Variants in NHSL1 observed in about 807,000 individuals in gnomAD.
NHSL1 encodes NHS-like protein 1.
In NHSL1, 48 loss-of-function variants were observed where a neutral mutation model predicts 95.0. That is an observed-to-expected ratio of 0.51 (90% confidence interval 0.40 to 0.64). The LOEUF is 0.64. NHSL1 is among the 30% of genes least tolerant of loss of function. The pLI, the probability that NHSL1 is intolerant of heterozygous loss-of-function variation, is 0.00. For missense variants in NHSL1, 1,971 were observed against 2,077.7 expected, an observed-to-expected ratio of 0.95 and a Z score of 1.00; for synonymous variants, 783 against 833.9, an observed-to-expected ratio of 0.94 and a Z score of 1.05.
At chr6:138,611,339 T>C (rs775377692) in intron 1 of NHSL1, among the ~76,000 whole-genome samples, 17 of 151,534 alleles carry the variant, frequency 1.1e-4, no homozygotes, top group South Asian at 2.1e-4. Context: ...TTCAGTGGTA[T>C]AGGAATGATT....
intron 2 of NHSL1, among the ~76,000 whole-genome samples, chr6:138,485,897 C>A (rs1216900156): frequency 4.6e-5 from 7 of 152,076 alleles, no homozygotes; most frequent in African/African-American, 1.7e-4. Flanking sequence ...AAGACCTGAG[C>A]GAGAGAGCAC....
At chr6:138,524,925 C>T (rs190398494) in intron 1 of NHSL1, among the ~76,000 whole-genome samples, 19 of 152,180 alleles carry the variant, frequency 1.2e-4, no homozygotes, top group East Asian at 3.9e-4. Context: ...ATCTGAATGA[C>T]GGGAGCCCTG....
At chr6:138,599,431 G>C (rs1427349626) in intron 1 of NHSL1, among the ~76,000 whole-genome samples, 1 of 152,084 alleles carries the variant, frequency 6.6e-6, no homozygotes, top group Non-Finnish European at 1.5e-5. Context: ...AGAATCACCT[G>C]AATGCAGGAG....
chr6:138,606,852 G>A (rs771267102), intron 1 of NHSL1, among the ~76,000 whole-genome samples: 7 of 151,716 alleles, frequency 4.6e-5, no homozygotes, highest in Non-Finnish European at 8.8e-5. Flanking sequence ...ACAGGTACCC[G>A]CCACCGCACC....
chr6:138,662,114 C>T (rs1785235518), intron 1 of NHSL1, among the ~76,000 whole-genome samples: 1 of 149,254 alleles, frequency 6.7e-6, no homozygotes, highest in Admixed American at 6.7e-5. Context: ...CAGCTAGAAA[C>T]AGATTTAATT....
chr6:138,631,927 G>A lies in NHSL1; in HGVS notation c.96+60549C>T, dbSNP rs187512759. ...CACCAAGTGGGCTCTTGGGGTCCCC[G>A]ATTCTAGAACTTGGCTCTTGGACAG... is the stretch of plus-strand genomic sequence containing the variant. On this transcript the variant is annotated intron_variant, in intron 1 of 3. Transcript: ENST00000491526. 1.8e-3 allele frequency among the ~76,000 whole-genome samples: 278 copies of A among 152,196 alleles called. 3 individuals carry two copies. Among genetic ancestry groups the A allele is most frequent in the East Asian group, 0.015 (76 of 5,170 alleles).
At chr6:138,583,891 G>A (rs1784096503) in intron 1 of NHSL1, among the ~76,000 whole-genome samples, 1 of 152,142 alleles carries the variant, frequency 6.6e-6, no homozygotes, top group Admixed American at 6.5e-5. Flanking sequence ...TTGAGGCCAG[G>A]AGTAGGAGAG....
rs1236653073 is a variant in NHSL1 at position 138,424,855 on chromosome 6, C to T, written c.4086-39G>A. 3.3e-6 allele frequency: 5 copies of T among 1,509,534 alleles called. No individual in the cohort carries two copies. The highest frequency in any genetic ancestry group is 2.8e-5 in the African/African-American group (2 of 72,076). 93.5% of individuals were successfully genotyped at this position (1,509,534 alleles called of 1,614,324 possible). ...ACATTAAGAAAAAGGTTAATTCCCA[C>T]GGGACCACAGGCTGTCAGCCACAAC... On this transcript the variant is annotated intron_variant, in intron 7 of 7. Coordinates refer to ENST00000343505, the MANE Select transcript of NHSL1 (RefSeq NM_001144060.2). This position sits in a 1 kb window ranked among gnomAD's most constrained non-coding sequence, Gnocchi z 5.9.
intron 6 of NHSL1, 111 bp from the exon 7 acceptor site, chr6:138,429,954 C>T (rs1775521968): frequency 1.9e-6 from 2 of 1,079,288 alleles, no homozygotes; most frequent in Admixed American, 2.7e-5. Flanking sequence ...GTGAGAACCA[C>T]AGGGAGATGC....
chr6:138,503,076 T>C (rs1780772855), upstream of NHSL1, among the ~76,000 whole-genome samples: 2 of 152,202 alleles, frequency 1.3e-5, no homozygotes, highest in African/African-American at 4.8e-5. Context: ...ATCTTTTCTA[T>C]TGTCTAAGAT....
intron 1 of NHSL1, among the ~76,000 whole-genome samples, chr6:138,637,768 C>G (rs1784906230): frequency 1.3e-5 from 2 of 152,142 alleles, no homozygotes; most frequent in Admixed American, 6.5e-5. Context: ...AACCCTCGTA[C>G]AGTTAGTAGG....
chr6:138,574,457 A>G (rs932960710), upstream of NHSL1, among the ~76,000 whole-genome samples: 2 of 152,084 alleles, frequency 1.3e-5, no homozygotes, highest in East Asian at 1.9e-4. Flanking sequence ...TGCACACTCA[A>G]AGGAGCCATG....
intron 1 of NHSL1, among the ~76,000 whole-genome samples, chr6:138,506,905 C>T (rs540729993): frequency 3.7e-4 from 57 of 152,216 alleles, no homozygotes; most frequent in Admixed American, 5.9e-4. Flanking sequence ...TTATAAAGTT[C>T]CTGCTGCTGG....
intron 1 of NHSL1, among the ~76,000 whole-genome samples, chr6:138,660,909 T>C (rs557484817): frequency 6.8e-4 from 104 of 152,196 alleles, no homozygotes; most frequent in African/African-American, 2.4e-3. Context: ...CTGGCCAACA[T>C]GGTGAAACCT....
At chr6:138,501,474 G>GTGGT (rs1780677789), upstream of NHSL1, among the ~76,000 whole-genome samples, 2 of 152,182 alleles carry the variant, frequency 1.3e-5, no homozygotes, top group Admixed American at 6.5e-5. Context: ...AGGAGTCAGG[G>GTGGT]TGGTCCTCGT....
rs1583480064 is a variant in NHSL1 at position 138,683,740 on chromosome 6, T to C, written c.96+8736A>G. Among the ~76,000 whole-genome samples, 3 of 152,360 alleles carry C rather than the reference T, an allele frequency of 2.0e-5. No homozygotes were observed. The South Asian group carries it at 6.2e-4, about 32-fold the overall frequency. Reference sequence around the variant, plus strand: ...GACAGCCCTGGCCTGGTTCAAAGCCTAGCTCCATTGCTTACCAGCTGTGAA... The same window carrying C: ...GACAGCCCTGGCCTGGTTCAAAGCCCAGCTCCATTGCTTACCAGCTGTGAA... On this transcript the variant is annotated intron_variant, in intron 1 of 3. Coordinates refer to the NHSL1 transcript ENST00000491526.
chr6:138,663,074 G>T (rs200882381), intron 1 of NHSL1, among the ~76,000 whole-genome samples: 1 of 63,402 alleles, frequency 1.6e-5, no homozygotes, highest in Non-Finnish European at 2.9e-5. Flanking sequence ...AAAAAAAAAA[G>T]AAAAAGAAAT....
chr6:138,644,334 C>T (rs1403962014), intron 1 of NHSL1, among the ~76,000 whole-genome samples: 1 of 152,002 alleles, frequency 6.6e-6, no homozygotes, highest in Non-Finnish European at 1.5e-5. Flanking sequence ...AACCTGGTGT[C>T]TACTAAAAAT....
chr6:138,675,062 T>G (rs200931143), intron 1 of NHSL1, among the ~76,000 whole-genome samples: 1 of 140,566 alleles, frequency 7.1e-6, no homozygotes, highest in African/African-American at 2.7e-5. Context: ...AAAAAAAAAA[T>G]CCCCCAGGAA....
Sources: gnomAD v4.1 joint callset for allele counts (sites outside exome capture counted in the v4.1 genomes callset) on GRCh38, gnomAD v4.1.1 for gene constraint, Gnocchi (gnomAD v3.1) non-coding constraint, MANE v1.5 for transcripts, NCBI Gene and HGNC (gene_info 2026-07-23, HGNC 2026-07-21) for gene names.